OPN4: variants seen among roughly 807,000 people sequenced by gnomAD.
OPN4 encodes the protein opsin 4.
Under a neutral mutation model 49.5 loss-of-function variants are expected in OPN4, and 43 were observed. That is an observed-to-expected ratio of 0.87 (90% CI 0.68 to 1.12). OPN4 has a LOEUF of 1.12. OPN4 is among the 50% of genes most tolerant of loss of function. OPN4 has a pLI of 0.00. For synonymous variants in OPN4, 263 were observed against 258.0 expected (o/e 1.02, Z -0.19); for missense variants, 657 against 643.9 (o/e 1.02, Z -0.22).
chr10:86,658,224 C>G, intron 3 of OPN4, 59 bp downstream of exon 3: 1 of 1,594,188 alleles, frequency 6.3e-7, no homozygotes, highest in Non-Finnish European at 8.5e-7. Flanking sequence ...CTGGGGATGC[C>G]CTCAATGGAG....
At chr10:86,661,021 G>A (rs183951161) in intron 6 of OPN4, among the ~76,000 whole-genome samples, 10 of 152,286 alleles carry the variant, frequency 6.6e-5, no homozygotes, top group East Asian at 3.9e-4. Context: ...CAGCTACTCC[G>A]GAGGCTGAGG....
intron 9 of OPN4, chr10:86,664,036 T>G (rs942365986): frequency 1.4e-5 from 7 of 486,602 alleles, no homozygotes; most frequent in African/African-American, 9.9e-5. Flanking sequence ...GTGTGTGTGA[T>G]CATGCAACTC....
At chr10:86,655,745 CTA>C (rs1222719578) in intron 1 of OPN4, among the ~76,000 whole-genome samples, 2 of 152,220 alleles carry the variant, frequency 1.3e-5, no homozygotes, top group Admixed American at 1.3e-4. Context: ...ACCCCAGCGT[CTA>C]GAGGCCTCAA....
chr10:86,661,425 C>T lies in OPN4; in HGVS notation c.1073+37C>T, dbSNP rs745757742. 9 of 1,532,644 alleles carry T rather than the reference C, an allele frequency of 5.9e-6. No homozygotes were observed. In the East Asian group the frequency reaches 9.0e-5, roughly 15 times the overall value. 94.9% of individuals were successfully genotyped at this position (1,532,644 alleles called of 1,614,324 possible). A position where few individuals can be genotyped will look rare whatever the true frequency, so the allele number is the denominator to read the frequency against. ...TTCCAGAACCCCACACCTTGGCCTC[C>T]AAGGGCCTGGCCTGCCGATGGGGGC... On this transcript the variant is annotated intron_variant, in intron 7 of 9. Transcript: ENST00000241891.
In OPN4 at chr10:86,662,280, C is replaced by G. The variant is rs61735658; in HGVS notation, c.1102C>G (p.Leu368Val). The G allele has an allele frequency of 8.8e-5, 141 of 1,609,738 alleles. No individual in the cohort carries two copies. Among genetic ancestry groups the G allele is most frequent in the Non-Finnish European group, 1.1e-4 (135 of 1,179,440 alleles). The change falls in exon 8 of 10, where the codon CTG (leucine) becomes GTG (valine). Residue 368 changes from leucine (L) to valine (V), a missense_variant. Physicochemically the swap from Leu to Val is conservative, Grantham distance 32. Transcript: ENST00000241891. ...RVAIAQHLPC[L>V]GVLLGVSRRH... ...GGCCATTGCCCAGCACCTGCCCTGC[C>G]TGGGGGTGCTGCTGGGTGTATCACG...
chr10:86,665,835 G>A lies in OPN4; in HGVS notation c.*84G>A. On this transcript the variant is annotated 3_prime_UTR_variant, in exon 10 of 10. Transcript: ENST00000241891. ...ATATACACAGACCCAGGATTATGCT[G>A]TGAGCCTGCAGGCTTTGGAAGTGGC... The A allele has an allele frequency of 8.8e-7, 1 of 1,133,930 alleles. No individual in the cohort carries two copies. Among genetic ancestry groups the A allele is most frequent in the Non-Finnish European group, 1.3e-6 (1 of 761,178 alleles). The allele number at this position is 1,133,930 out of a possible 1,614,324, so 70.2% of individuals were successfully genotyped here.
At chr10:86,664,781 C>A (rs1182683489) in intron 9 of OPN4, among the ~76,000 whole-genome samples, 1 of 152,226 alleles carries the variant, frequency 6.6e-6, no homozygotes, top group Non-Finnish European at 1.5e-5. Flanking sequence ...GGAGCCCAGG[C>A]ACTGTGCATG....
rs1844030552 is a variant in OPN4, at chr10:86,662,319, C to T, written c.1141C>T (p.Pro381Ser). The T allele has an allele frequency of 2.5e-6, 4 of 1,606,664 alleles. No individual in the cohort carries two copies. Among genetic ancestry groups the T allele is most frequent in the East Asian group, 2.2e-5 (1 of 44,646 alleles). Residue 381 changes from proline to serine, a missense_variant, in exon 8 of 10, where the codon CCC becomes TCC. Physicochemically the swap from Pro to Ser is moderately conservative, Grantham distance 74 (BLOSUM62 -1). Coordinates refer to ENST00000241891, the MANE Select transcript of OPN4 (RefSeq NM_033282.4). ...GGGTGTATCACGCCGGCACAGTCGC[C>T]CCTACCCCAGCTACCGCTCCACCCA... ...LLGVSRRHSR[P>S]YPSYRSTHRS...
Position 86,662,542 on chromosome 10 carries a change from G to A in OPN4, c.1254+110G>A, listed in dbSNP as rs1371857383. 2.1e-5 allele frequency: 22 copies of A among 1,040,014 alleles called. No homozygotes were observed. The South Asian group carries it at 2.6e-4, about 12-fold the overall frequency. The allele number at this position is 1,040,014 out of a possible 1,614,324, so 64.4% of individuals were successfully genotyped here. A position where few individuals can be genotyped will look rare whatever the true frequency, so the allele number is the denominator to read the frequency against. On this transcript the variant is annotated intron_variant, in intron 8 of 9. Coordinates refer to ENST00000241891, the MANE Select transcript of OPN4 (RefSeq NM_033282.4). ...GGCAGGGCTGCCTCTGAGACTCAGG[G>A]ACACTGAGGACGCTGGCACCCTGGC... is the stretch of plus-strand genomic sequence containing the variant.
chr10:86,665,531 C>T (rs1397669490), intron 9 of OPN4, among the ~76,000 whole-genome samples, 182 bp from the exon 10 acceptor site: 4 of 151,982 alleles, frequency 2.6e-5, no homozygotes, highest in African/African-American at 9.7e-5. Flanking sequence ...CAGCGTTAGG[C>T]GTTACCAGCT....
chr10:86,656,052 G>T, intron 1 of OPN4, 103 bp from the exon 2 acceptor site: 1 of 1,504,300 alleles, frequency 6.6e-7, no homozygotes, highest in Non-Finnish European at 9.1e-7. Context: ...CTGAGCCTCA[G>T]TTTTCCCACC....
Position 86,656,307 on chromosome 10 carries a change from G to A in OPN4, c.290+7G>A. ...TCATCTATACCTTCTGCAGGTGCCT[G>A]GTTGGTGGTGCTGGGCCCAGGGCAC... On this transcript the variant is annotated splice_region_variant and intron_variant, in intron 2 of 9. Coordinates refer to ENST00000241891, the MANE Select transcript of OPN4 (RefSeq NM_033282.4). 1 of 1,589,234 alleles carries A rather than the reference G, an allele frequency of 6.3e-7. No homozygotes were observed. Among genetic ancestry groups the A allele is most frequent in the Non-Finnish European group, 8.6e-7 (1 of 1,166,078 alleles).
At position 86,665,619 on chromosome 10, in the gene OPN4, C is replaced by G. The variant is rs555431888; in HGVS notation, c.1399-94C>G. On this transcript the variant is annotated intron_variant, in intron 9 of 9. Transcript: ENST00000241891. Reference sequence around the variant, plus strand: ...CCTGGCCCTTCCATGCAACCTCCCCCACTGCTCGGTGACCCAGTGTGTGGA... The same window carrying G: ...CCTGGCCCTTCCATGCAACCTCCCCGACTGCTCGGTGACCCAGTGTGTGGA... 964 of 1,034,872 alleles carry G rather than the reference C, an allele frequency of 9.3e-4. 5 individuals are homozygous for G. The highest frequency in any genetic ancestry group is 4.1e-3 in the Middle Eastern group (20 of 4,854). The allele number at this position is 1,034,872 out of a possible 1,614,324, so 64.1% of individuals were successfully genotyped here.
At chr10:86,656,396 C>T (rs982431141) in intron 2 of OPN4, 96 bp downstream of exon 2, 71 of 1,431,786 alleles carry the variant, frequency 5.0e-5, no homozygotes, top group Non-Finnish European at 6.6e-5. Flanking sequence ...CTAGCTCTGG[C>T]CAGGGCACTG....
intron 2 of OPN4, among the ~76,000 whole-genome samples, 193 bp downstream of exon 2, chr10:86,656,493 G>T (rs879899958): frequency 1.3e-5 from 2 of 152,200 alleles, no homozygotes; most frequent in Non-Finnish European, 2.9e-5. Context: ...GCCAAAAATG[G>T]TCCAGGGAGA....
chr10:86,657,219 G>A (rs759728813), intron 2 of OPN4: 1 of 780,804 alleles, frequency 1.3e-6, no homozygotes, highest in Non-Finnish European at 2.4e-6. Flanking sequence ...GAGTCACTGT[G>A]ATGATGCAGT....
intron 6 of OPN4, among the ~76,000 whole-genome samples, chr10:86,660,501 T>A (rs1186095658): frequency 6.6e-6 from 1 of 152,060 alleles, no homozygotes; most frequent in Non-Finnish European, 1.5e-5. Flanking sequence ...ACTTCAGAAG[T>A]GTTTTTGAGA....
rs753064364 is a variant in OPN4, at chr10:86,656,213, A to G, written c.203A>G (p.His68Arg). The change falls in exon 2 of 10, where the codon CAT (histidine) becomes CGT (arginine). Residue 68 changes from histidine to arginine, a missense_variant. His to Arg is a conservative substitution (Grantham distance 29). Transcript: ENST00000241891. ...VPLPTVDVPD[H>R]AHYTLGTVIL... Reference sequence around the variant, plus strand: ...CTCCCCACGGTTGATGTTCCAGACCATGCCCACTATACCCTGGGCACAGTG... The same window carrying G: ...CTCCCCACGGTTGATGTTCCAGACCGTGCCCACTATACCCTGGGCACAGTG... 1.9e-6 allele frequency: 3 copies of G among 1,614,152 alleles called. No homozygotes were observed. Among genetic ancestry groups the G allele is most frequent in the Non-Finnish European group, 2.5e-6 (3 of 1,180,016 alleles).
rs752868727 is a variant in OPN4, at chr10:86,659,964, C to CGA, written c.872_873dup (p.Cys292SerfsTer37). The CGA allele has an allele frequency of 6.8e-6, 11 of 1,614,194 alleles. No homozygotes were observed. The South Asian group carries it at 9.9e-5, about 15-fold the overall frequency. Reference sequence around the variant, plus strand: ...TGTGGCAGCGGCAGCGGCTGCAGAGCGAGTGCAAGATGGCCAAGATCATGC... The same window carrying CGA: ...TGTGGCAGCGGCAGCGGCTGCAGAGCGAGAGTGCAAGATGGCCAAGATCATGC... On this transcript the variant is annotated frameshift_variant, in exon 6 of 10. Transcript: ENST00000241891. LOFTEE classifies it high-confidence loss of function.
Sources: allele counts gnomAD v4.1 joint callset (sites outside exome capture counted in the v4.1 genomes callset), GRCh38; gene constraint gnomAD v4.1.1; transcripts MANE v1.5; gene names NCBI Gene and HGNC (gene_info 2026-07-23, HGNC 2026-07-21).